The following ZNF572 variants were observed in gnomAD, a reference collection of about 807,000 sequenced individuals.
ZNF572 encodes the protein zinc finger protein 572.
Under a neutral mutation model 3.8 loss-of-function variants are expected in ZNF572, and 2 were observed. That is an observed-to-expected ratio of 0.52 (90% confidence interval 0.21 to 1.65). The LOEUF (loss-of-function observed/expected upper bound fraction) is 1.65. Ranked by LOEUF, ZNF572 falls within the 40% of genes most tolerant of loss-of-function variation. The probability of loss-of-function intolerance (pLI) is 0.20; values close to 1 mark genes in which losing one functional copy is unlikely to be tolerated. For synonymous variants in ZNF572, 187 were observed against 204.5 expected (o/e 0.91, Z 0.73); for missense variants, 581 against 633.4 (o/e 0.92, Z 0.89).
Position 124,977,838 on chromosome 8 carries a change from G to C in ZNF572, c.1570G>C (p.Val524Leu). The C allele has an allele frequency of 6.3e-7, 1 of 1,584,548 alleles. No individual in the cohort carries two copies. Among genetic ancestry groups the C allele is most frequent in the Non-Finnish European group, 8.6e-7 (1 of 1,164,266 alleles). ...AATGCCCTTCATCTCTTCATTTTCC[G>C]TCTCAAATTCATCTTCCTGAGTCCC... is the stretch of plus-strand genomic sequence containing the variant. Reference protein sequence around the residue: ...GEMPFISSFSVSNSSS With the variant: ...GEMPFISSFSLSNSSS Residue 524 changes from valine to leucine, a missense_variant, in exon 3 of 3, where the codon GTC (valine) becomes CTC (leucine). Transcript: ENST00000319286.
chr8:124,974,092 G>A (rs779583669), intron 1 of ZNF572, among the ~76,000 whole-genome samples: 2 of 152,066 alleles, frequency 1.3e-5, no homozygotes, highest in Non-Finnish European at 2.9e-5. Flanking sequence ...CTAGTTTCAC[G>A]TTTCTCTAGA....
chr8:124,976,239 ATTAT>A, intron 2 of ZNF572, 105 bp from the exon 3 acceptor site: 1 of 987,940 alleles, frequency 1.0e-6, no homozygotes, highest in East Asian at 2.7e-5. Flanking sequence ...TTTATATGAA[ATTAT>A]TTATGAGGTT....
chr8:124,975,614 A>T lies in ZNF572; in HGVS notation c.-27A>T, dbSNP rs898095049. 2 of 1,588,788 alleles carry T rather than the reference A, an allele frequency of 1.3e-6. No individual in the cohort carries two copies. Among genetic ancestry groups the T allele is most frequent in the Non-Finnish European group, 1.7e-6 (2 of 1,157,250 alleles). ...TTTATTTCCTTCCACAGGGTTTCTG[A>T]TCTCTAACTTGGCTGTGATCATTGT... On this transcript the variant is annotated 5_prime_UTR_variant, in exon 2 of 3. Coordinates refer to ENST00000319286, the MANE Select transcript of ZNF572 (RefSeq NM_152412.3).
rs760896701 is a variant in ZNF572 at position 124,977,250 on chromosome 8, T to C, written c.982T>C (p.Tyr328His). The C allele has an allele frequency of 6.2e-7, 1 of 1,613,684 alleles. No individual in the cohort carries two copies. The highest frequency in any genetic ancestry group is 8.5e-7 in the Non-Finnish European group (1 of 1,180,020). The change falls in exon 3 of 3, where the codon TAT becomes CAT. Residue 328 changes from tyrosine to histidine, a missense_variant. Tyr to His is a moderately conservative substitution (Grantham distance 83). Coordinates refer to ENST00000319286, the MANE Select transcript of ZNF572 (RefSeq NM_152412.3). ...GAGAATACATACAGGAGAAAAGCCT[T>C]ATCAATGTCCAGAATGTGGGAAGAA... is the stretch of plus-strand genomic sequence containing the variant. ...HQRIHTGEKP[Y>H]QCPECGKNFS...
In ZNF572 at chr8:124,973,334, G is replaced by A. The variant is rs1198660002; in HGVS notation, c.-118G>A. ...CGGGTTTGAGAGTTTAGGACCCTGG[G>A]TTGGTGGGGTCAGAGGGAGAGGGGG... On this transcript the variant is annotated 5_prime_UTR_variant, in exon 1 of 3. Coordinates refer to ENST00000319286, the MANE Select transcript of ZNF572 (RefSeq NM_152412.3). The A allele has an allele frequency of 2.6e-5, 4 of 152,484 alleles. No homozygotes were observed. In the East Asian group the frequency reaches 7.7e-4, roughly 29 times the overall value. 9.4% of individuals were successfully genotyped at this position (152,484 alleles called of 1,614,324 possible).
At position 124,976,692 on chromosome 8, in the gene ZNF572, A is replaced by G; in HGVS notation, c.424A>G (p.Ser142Gly). The G allele has an allele frequency of 6.2e-7, 1 of 1,614,228 alleles. No homozygotes were observed. Residue 142 changes from serine (S) to glycine (G), a missense_variant, in exon 3 of 3, where the codon AGT becomes GGT. Physicochemically the swap from Ser to Gly is moderately conservative, Grantham distance 56. Coordinates refer to ENST00000319286, the MANE Select transcript of ZNF572 (RefSeq NM_152412.3). Reference sequence around the variant, plus strand: ...ATGTTCCGAATGTTGGAAAAGCTTCAGTAATAGTTCTCATTTGCGTACTCA... The same window carrying G: ...ATGTTCCGAATGTTGGAAAAGCTTCGGTAATAGTTCTCATTTGCGTACTCA... ...YKCSECWKSF[S>G]NSSHLRTHQR...
chr8:124,976,453 A>G lies in ZNF572; in HGVS notation c.185A>G (p.His62Arg). 1 of 1,614,186 alleles carries G rather than the reference A, an allele frequency of 6.2e-7. No individual in the cohort carries two copies. Among genetic ancestry groups the G allele is most frequent in the Non-Finnish European group, 8.5e-7 (1 of 1,180,000 alleles). ...TGGTCTAAAAGACATAGACCACAACATTATAAGCATGAGGATGCAAAAGAA... is the reference window on the plus strand; with the variant it reads ...TGGTCTAAAAGACATAGACCACAACGTTATAAGCATGAGGATGCAAAAGAA... The part of the protein sequence containing the change: ...SEWSKRHRPQ[H>R]YKHEDAKEMP... Residue 62 changes from histidine (H) to arginine (R), a missense_variant, in exon 3 of 3, where the codon CAT becomes CGT. Physicochemically the swap from His to Arg is conservative, Grantham distance 29. Transcript: ENST00000319286.
In ZNF572 at chr8:124,977,876, G is replaced by A. The variant is rs534661876; in HGVS notation, c.*18G>A. 5.2e-6 allele frequency: 8 copies of A among 1,538,646 alleles called. No homozygotes were observed. The Admixed American group carries it at 1.5e-4, about 28-fold the overall frequency. ...CTTCCTGAGTCCCAAAGCCTGGTTG[G>A]TGATGGTTTTTTCTTCCTTGTTGGA... On this transcript the variant is annotated 3_prime_UTR_variant, in exon 3 of 3. Transcript: ENST00000319286.
At chr8:124,973,837 G>A (rs912297824) in intron 1 of ZNF572, among the ~76,000 whole-genome samples, 1 of 152,200 alleles carries the variant, frequency 6.6e-6, no homozygotes, top group Non-Finnish European at 1.5e-5. Flanking sequence ...ATTTTGCTGA[G>A]CCACTGTTCC....
intron 1 of ZNF572, among the ~76,000 whole-genome samples, chr8:124,974,490 A>G (rs915995749): frequency 6.6e-6 from 1 of 152,266 alleles, no homozygotes; most frequent in African/African-American, 2.4e-5. Flanking sequence ...TACCTGGCAC[A>G]TAATAGGCAG....
At chr8:124,974,728 A>C (rs1160004186) in intron 1 of ZNF572, among the ~76,000 whole-genome samples, 7 of 151,544 alleles carry the variant, frequency 4.6e-5, no homozygotes, top group African/African-American at 1.7e-4. Flanking sequence ...TTGCTCTGTC[A>C]CCCAGGCTGG....
Position 124,978,188 on chromosome 8 carries a change from T to TA in ZNF572, c.*330_*331insA, listed in dbSNP as rs1814537358. On this transcript the variant is annotated 3_prime_UTR_variant, in exon 3 of 3. Transcript: ENST00000319286. The stretch of plus-strand genomic sequence containing the variant: ...GAAGCTAGAATTGCTATTGAATTAC[T>TA]TTATTTTCTCTTCCCTTATTGGGTA... The TA allele has an allele frequency of 1.3e-5, 3 of 234,038 alleles. No homozygotes were observed. Among genetic ancestry groups the TA allele is most frequent in the Non-Finnish European group, 2.5e-5 (3 of 122,280 alleles). The allele number at this position is 234,038 out of a possible 1,614,324, so 14.5% of individuals were successfully genotyped here. A position where few individuals can be genotyped will look rare whatever the true frequency, so the allele number is the denominator to read the frequency against.
rs35397332 is a variant in ZNF572, at chr8:124,973,412, G to C, written c.-40G>C. On this transcript the variant is annotated 5_prime_UTR_variant, in exon 1 of 3. Transcript: ENST00000319286. ...CAGGGCGCCTTGGGTGTAGCACCCAGAACAGTGAGTTCCTTCTTGGGGGGA... is the reference window on the plus strand; with the variant it reads ...CAGGGCGCCTTGGGTGTAGCACCCACAACAGTGAGTTCCTTCTTGGGGGGA... 6.6e-6 allele frequency: 1 copy of C among 152,464 alleles called. No individual in the cohort carries two copies. The highest frequency in any genetic ancestry group is 1.5e-5 in the Non-Finnish European group (1 of 68,262). 9.4% of individuals were successfully genotyped at this position (152,464 alleles called of 1,614,324 possible). A position where few individuals can be genotyped will look rare whatever the true frequency, so the allele number is the denominator to read the frequency against.
At position 124,976,386 on chromosome 8, in the gene ZNF572, A is replaced by C. The variant is rs1796630488; in HGVS notation, c.118A>C (p.Asn40His). 6.2e-7 allele frequency: 1 copy of C among 1,605,974 alleles called. No individual in the cohort carries two copies. The highest frequency in any genetic ancestry group is 8.5e-7 in the Non-Finnish European group (1 of 1,176,218). ...SMNNLETVHH[N>H]NSKADKLKEK... Reference sequence around the variant, plus strand: ...GAATAATTTGGAAACTGTTCACCACAATAATTCTAAGGCAGATAAACTTAA... The same window carrying C: ...GAATAATTTGGAAACTGTTCACCACCATAATTCTAAGGCAGATAAACTTAA... Residue 40 changes from asparagine (N) to histidine (H), a missense_variant, in exon 3 of 3, where the codon AAT becomes CAT. Transcript: ENST00000319286.
chr8:124,976,164 CA>C (rs924196225), intron 2 of ZNF572, among the ~76,000 whole-genome samples, 183 bp from the exon 3 acceptor site: 4 of 150,566 alleles, frequency 2.7e-5, no homozygotes, highest in African/African-American at 4.9e-5. Flanking sequence ...TTGCTAGGTA[CA>C]AAAAAAAATC....
rs1814506925 is a variant in ZNF572 at position 124,976,452 on chromosome 8, C to T, written c.184C>T (p.His62Tyr). The T allele has an allele frequency of 3.1e-6, 5 of 1,613,964 alleles. No individual in the cohort carries two copies. Among genetic ancestry groups the T allele is most frequent in the Admixed American group, 1.7e-5 (1 of 60,008 alleles). The change falls in exon 3 of 3, where the codon CAT becomes TAT. Residue 62 changes from histidine (H) to tyrosine (Y), a missense_variant. Coordinates refer to ENST00000319286, the MANE Select transcript of ZNF572 (RefSeq NM_152412.3). ...ATGGTCTAAAAGACATAGACCACAA[C>T]ATTATAAGCATGAGGATGCAAAAGA... Reference protein sequence around the residue: ...SEWSKRHRPQHYKHEDAKEMP... With the variant: ...SEWSKRHRPQYYKHEDAKEMP...
intron 1 of ZNF572, among the ~76,000 whole-genome samples, chr8:124,975,184 A>G (rs554440035): frequency 2.1e-4 from 32 of 152,300 alleles, no homozygotes; most frequent in African/African-American, 7.2e-4. Context: ...TATTCTTTTG[A>G]AACTAAACAG....
At position 124,975,694 on chromosome 8, in the gene ZNF572, G is replaced by A; in HGVS notation, c.54G>A (p.Arg18=). Residue 18 remains arginine (R), a synonymous_variant, in exon 2 of 3, where the codon AGG becomes AGA. Coordinates refer to ENST00000319286, the MANE Select transcript of ZNF572 (RefSeq NM_152412.3). ...CAGATTCTAACAGCTTTATGGAGAG[G>A]GAGAGTTTGAAAAGCCCTTTCACAG... ...LVSDSNSFME[R]ESLKSPFTGD... The A allele has an allele frequency of 2.5e-6, 4 of 1,613,924 alleles. No homozygotes were observed. The highest frequency in any genetic ancestry group is 1.3e-5 in the African/African-American group (1 of 75,028).
At position 124,979,195 on chromosome 8, in the gene ZNF572, AGAGATGCATATTAGG is replaced by A; in HGVS notation, c.*1338_*1352del. Reference sequence around the variant, plus strand: ...AGAATGTATTTTATGAATAATATGCAGAGATGCATATTAGGAATGTGAAGCCAGAATGGGTCAGTT... The same window carrying A: ...AGAATGTATTTTATGAATAATATGCAAATGTGAAGCCAGAATGGGTCAGTT... On this transcript the variant is annotated 3_prime_UTR_variant, in exon 3 of 3. Coordinates refer to ENST00000319286, the MANE Select transcript of ZNF572 (RefSeq NM_152412.3). The A allele has an allele frequency of 6.5e-6, 1 of 152,792 alleles. No homozygotes were observed. The highest frequency in any genetic ancestry group is 3.4e-3 in the Middle Eastern group (1 of 294). The allele number at this position is 152,792 out of a possible 1,614,324, so 9.5% of individuals were successfully genotyped here. A position where few individuals can be genotyped will look rare whatever the true frequency, so the allele number is the denominator to read the frequency against.
Sources: allele counts gnomAD v4.1 joint callset (sites outside exome capture counted in the v4.1 genomes callset), GRCh38; gene constraint gnomAD v4.1.1; transcripts MANE v1.5; gene names NCBI Gene and HGNC (gene_info 2026-07-23, HGNC 2026-07-21).